PPP3R1: variants seen among roughly 807,000 people sequenced by gnomAD.
PPP3R1 encodes calcineurin subunit B type 1.
PPP3R1 carries 5 observed loss-of-function variants against 22.6 expected under a neutral mutation model. The ratio of observed to expected loss-of-function variants is 0.22; its 90% CI spans 0.12 to 0.46. PPP3R1 has a LOEUF of 0.46. Among genes scored for constraint, PPP3R1 ranks in the 20% least tolerant of loss-of-function variants. The pLI is 0.99. For missense variants in PPP3R1, 61 were observed against 203.2 expected, an observed-to-expected ratio of 0.30 and a Z score of 4.25; for synonymous variants, 56 against 65.2, an observed-to-expected ratio of 0.86 and a Z score of 0.68.
chr2:68,228,075 T>C (rs1337506798), intron 1 of PPP3R1, among the ~76,000 whole-genome samples: 1 of 152,178 alleles, frequency 6.6e-6, no homozygotes, highest in East Asian at 1.9e-4. Context: ...TTAAGTATAA[T>C]GTCAGCTGTA....
chr2:68,231,744 A>ACTTCTAGTAAAGTAGG, intron 1 of PPP3R1, among the ~76,000 whole-genome samples: 1 of 152,322 alleles, frequency 6.6e-6, no homozygotes, highest in South Asian at 2.1e-4. Context: ...AAAGAAAACA[A>ACTTCTAGTAAAGTAGG]CTTCTAGTAA....
chr2:68,215,415 C>T (rs529109045), intron 2 of PPP3R1, among the ~76,000 whole-genome samples: 2 of 152,128 alleles, frequency 1.3e-5, no homozygotes, highest in African/African-American at 2.4e-5. Flanking sequence ...ATAAGGAAGC[C>T]GCATAGTAAA....
rs190865435 is a variant in PPP3R1, at chr2:68,206,114, G to A, written c.43+10978C>T. ...ATTACAGGCGTGAGCCACCGCGCCC[G>A]GCGGCTCTTAAAAGGTTCAAATACG... On this transcript the variant is annotated intron_variant, in intron 2 of 5. Coordinates refer to ENST00000234310, the MANE Select transcript of PPP3R1 (RefSeq NM_000945.4). Among the ~76,000 whole-genome samples, 42 of 152,152 alleles carry A rather than the reference G, an allele frequency of 2.8e-4. No individual in the cohort carries two copies. In the East Asian group the frequency reaches 2.9e-3, roughly 11 times the overall value.
At chr2:68,183,448 A>G (rs1323948476) in intron 5 of PPP3R1, among the ~76,000 whole-genome samples, 2 of 152,156 alleles carry the variant, frequency 1.3e-5, no homozygotes, top group Non-Finnish European at 2.9e-5. Context: ...ATTTTTACAG[A>G]CTATGCTAGA....
intron 1 of PPP3R1, among the ~76,000 whole-genome samples, chr2:68,217,756 A>C (rs1669607160): frequency 6.6e-6 from 1 of 152,072 alleles, no homozygotes; most frequent in Non-Finnish European, 1.5e-5. Flanking sequence ...AACTTAACAT[A>C]ATTTATCTGA....
In PPP3R1 at chr2:68,194,045, T is replaced by C. The variant is rs866569340; in HGVS notation, c.44-5355A>G. On this transcript the variant is annotated intron_variant, in intron 2 of 5. Transcript: ENST00000234310. ...GCCAGGTTGAAACTCATGTTATTTT[T>C]CTACTTTTTGGAAGGACAACTTTGG... is the stretch of plus-strand genomic sequence containing the variant. 3.3e-5 allele frequency among the ~76,000 whole-genome samples: 5 copies of C among 152,258 alleles called. No homozygotes were observed. In the Middle Eastern group the frequency reaches 0.01, roughly 311 times the overall value.
intron 5 of PPP3R1, among the ~76,000 whole-genome samples, chr2:68,185,002 C>G (rs998493196): frequency 1.3e-5 from 2 of 152,138 alleles, no homozygotes; most frequent in Non-Finnish European, 2.9e-5. Context: ...AGGTGGATCA[C>G]AAGGTCAGAA....
rs532659013 is a variant in PPP3R1 at position 68,198,173 on chromosome 2, A to G, written c.44-9483T>C. ...TACACATATATGTAAATATATACATACATGTATATATAATATATATTTACA... is the reference window on the plus strand; with the variant it reads ...TACACATATATGTAAATATATACATGCATGTATATATAATATATATTTACA... On this transcript the variant is annotated intron_variant, in intron 2 of 5. Transcript: ENST00000234310. 2.4e-3 allele frequency among the ~76,000 whole-genome samples: 346 copies of G among 145,768 alleles called. 4 individuals carry two copies. The highest frequency in any genetic ancestry group is 8.2e-3 in the African/African-American group (325 of 39,512).
chr2:68,201,423 G>A (rs954497025), intron 2 of PPP3R1, among the ~76,000 whole-genome samples: 5 of 151,440 alleles, frequency 3.3e-5, no homozygotes, highest in Admixed American at 6.6e-5. Context: ...TTTTTCTCTC[G>A]TTGACTTTTA....
chr2:68,197,398 T>C (rs1189924128), intron 2 of PPP3R1, among the ~76,000 whole-genome samples: 1 of 152,222 alleles, frequency 6.6e-6, no homozygotes, highest in Non-Finnish European at 1.5e-5. Flanking sequence ...TAGTCCATTA[T>C]ATGGATATAC....
intron 1 of PPP3R1, among the ~76,000 whole-genome samples, chr2:68,225,778 T>C (rs1669769271): frequency 6.6e-6 from 1 of 152,254 alleles, no homozygotes; most frequent in African/African-American, 2.4e-5. Context: ...TATATCTTGC[T>C]AGTGGGAACT....
At chr2:68,189,981 A>G (rs1042411771) in intron 2 of PPP3R1, among the ~76,000 whole-genome samples, 4 of 152,034 alleles carry the variant, frequency 2.6e-5, no homozygotes, top group Non-Finnish European at 5.9e-5. Flanking sequence ...CAACACTAGA[A>G]AAGAGTACAA....
chr2:68,227,836 G>T (rs546669120), intron 1 of PPP3R1, among the ~76,000 whole-genome samples: 2 of 151,582 alleles, frequency 1.3e-5, no homozygotes, highest in South Asian at 4.2e-4. Context: ...GCACAATTTC[G>T]CCGAACTTAT....
intron 1 of PPP3R1, among the ~76,000 whole-genome samples, chr2:68,219,739 TTTAC>T (rs1358208620): frequency 6.6e-6 from 1 of 152,200 alleles, no homozygotes; most frequent in Non-Finnish European, 1.5e-5. Flanking sequence ...GGTACTGACA[TTTAC>T]TTCTAAGAGA....
intron 1 of PPP3R1, among the ~76,000 whole-genome samples, chr2:68,238,197 G>C (rs1293482203): frequency 1.3e-5 from 2 of 151,932 alleles, no homozygotes; most frequent in Non-Finnish European, 2.9e-5. Flanking sequence ...CCACAACAGG[G>C]ATTAGATTTA....
At chr2:68,193,636 A>G (rs1489574209) in intron 2 of PPP3R1, among the ~76,000 whole-genome samples, 1 of 152,122 alleles carries the variant, frequency 6.6e-6, no homozygotes, top group South Asian at 2.1e-4. Context: ...CATTACTGGC[A>G]CCTGAGGGGC....
chr2:68,196,819 G>C (rs1245573460), intron 2 of PPP3R1, among the ~76,000 whole-genome samples: 2 of 152,034 alleles, frequency 1.3e-5, no homozygotes, highest in Non-Finnish European at 2.9e-5. Context: ...CTGCCTCCTG[G>C]GTTCAAGCAA....
chr2:68,202,406 T>TTTGTTGTTG (rs71906115), intron 2 of PPP3R1, among the ~76,000 whole-genome samples: 3 of 146,238 alleles, frequency 2.1e-5, no homozygotes, highest in South Asian at 2.2e-4. Flanking sequence ...TTTTTCGTTT[T>TTTGTTGTTG]TTGTTGTTGT....
At chr2:68,217,785 A>G (rs1352979388) in intron 1 of PPP3R1, among the ~76,000 whole-genome samples, 2 of 152,080 alleles carry the variant, frequency 1.3e-5, no homozygotes, top group African/African-American at 2.4e-5. Context: ...TTTATATATA[A>G]AAAAAGTAGA....
Sources: allele counts gnomAD v4.1 joint callset (sites outside exome capture counted in the v4.1 genomes callset), GRCh38; gene constraint gnomAD v4.1.1; transcripts MANE v1.5; gene names NCBI Gene and HGNC (gene_info 2026-07-23, HGNC 2026-07-21).